The following OR2T12 variants were observed in gnomAD, a reference collection of about 807,000 sequenced individuals.
OR2T12 encodes the protein olfactory receptor 2T12.
For synonymous variants in OR2T12, 127 were observed against 160.5 expected (o/e 0.79, Z 1.58); for missense variants, 335 against 404.3 (o/e 0.83, Z 1.47).
At position 248,298,292 on chromosome 1, in the gene OR2T12, G is replaced by T. The variant is rs567247341; in HGVS notation, c.-8-2706C>A. ...GGATTTTTGCATCAATGTTCATCAA[G>T]GGTATTGGTCTAAAATTCTCTTTTT... On this transcript the variant is annotated intron_variant, in intron 2 of 2. Transcript: ENST00000641276. 1.3e-5 allele frequency among the ~76,000 whole-genome samples: 2 copies of T among 152,282 alleles called. 1 individual carries two copies. The highest frequency in any genetic ancestry group is 4.1e-4 in the South Asian group (2 of 4,824).
At position 248,294,446 on chromosome 1, in the gene OR2T12, A is replaced by C. The variant is rs1659680884; in HGVS notation, c.*170T>G. ...TACTTCACTTGAAGAAAAGTACATA[A>C]ATGCTCAAAAATGGTATCTGTCAAT... On this transcript the variant is annotated 3_prime_UTR_variant, in exon 3 of 3. Transcript: ENST00000641276. 1 of 819,038 alleles carries C rather than the reference A, an allele frequency of 1.2e-6. No individual in the cohort carries two copies. Among genetic ancestry groups the C allele is most frequent in the Admixed American group, 2.7e-5 (1 of 37,026 alleles). 50.7% of individuals were successfully genotyped at this position (819,038 alleles called of 1,614,324 possible). A position where few individuals can be genotyped will look rare whatever the true frequency, so the allele number is the denominator to read the frequency against.
intron 2 of OR2T12, among the ~76,000 whole-genome samples, chr1:248,296,698 G>T (rs1359949918): frequency 6.6e-6 from 1 of 152,042 alleles, no homozygotes; most frequent in East Asian, 1.9e-4. Context: ...TTTTTGATGG[G>T]GTTGTTTGTT....
Position 248,295,266 on chromosome 1 carries a change from G to T in OR2T12, c.313C>A (p.Leu105Met), listed in dbSNP as rs779670574. ...AAGAGGAAGCACTCTCCACCACCCAGTGTGGGGAGGAAGAAGATCTGCACA... is the reference window on the plus strand; with the variant it reads ...AAGAGGAAGCACTCTCCACCACCCATTGTGGGGAGGAAGAAGATCTGCACA... ...CGVQIFFLPT[L>M]GGGECFLLAA... The change falls in exon 3 of 3, where the codon CTG becomes ATG. Residue 105 changes from leucine (L) to methionine (M), a missense_variant. By Grantham distance (15) the Leu-to-Met change is conservative (BLOSUM62 2). Coordinates refer to ENST00000641276, the MANE Select transcript of OR2T12 (RefSeq NM_001004692.2). 1 of 1,608,434 alleles carries T rather than the reference G, an allele frequency of 6.2e-7. No individual in the cohort carries two copies. The highest frequency in any genetic ancestry group is 8.5e-7 in the Non-Finnish European group (1 of 1,177,612).
In OR2T12 at chr1:248,294,416, G is replaced by A; in HGVS notation, c.*200C>T. 1.6e-6 allele frequency: 1 copy of A among 606,854 alleles called. No individual in the cohort carries two copies. Among genetic ancestry groups the A allele is most frequent in the Non-Finnish European group, 2.8e-6 (1 of 362,738 alleles). 37.6% of individuals were successfully genotyped at this position (606,854 alleles called of 1,614,324 possible). A position where few individuals can be genotyped will look rare whatever the true frequency, so the allele number is the denominator to read the frequency against. On this transcript the variant is annotated 3_prime_UTR_variant, in exon 3 of 3. Coordinates refer to ENST00000641276, the MANE Select transcript of OR2T12 (RefSeq NM_001004692.2). The stretch of plus-strand genomic sequence containing the variant: ...GTTGTAGGATACAAAGTAATCTATA[G>A]GTATTACTTCACTTGAAGAAAAGTA...
intron 1 of OR2T12, 78 bp from the exon 2 acceptor site, chr1:248,301,631 C>G (rs530340091): frequency 6.6e-6 from 1 of 152,046 alleles, no homozygotes; most frequent in Non-Finnish European, 1.5e-5. Context: ...ATATTTTGAA[C>G]TCTGCATTAG....
chr1:248,298,755 A>G (rs1659771639), intron 2 of OR2T12, among the ~76,000 whole-genome samples: 2 of 150,598 alleles, frequency 1.3e-5, no homozygotes, highest in Non-Finnish European at 1.5e-5. Context: ...TTTCTTTATT[A>G]GTCATGCTAG....
At chr1:248,298,464 G>A (rs985664514) in intron 2 of OR2T12, among the ~76,000 whole-genome samples, 2 of 152,164 alleles carry the variant, frequency 1.3e-5, no homozygotes, top group Non-Finnish European at 2.9e-5. Flanking sequence ...GAATTTGCCT[G>A]TGAATCCTTC....
chr1:248,298,845 ATTTCC>A (rs916661704), intron 2 of OR2T12, among the ~76,000 whole-genome samples: 17 of 151,276 alleles, frequency 1.1e-4, no homozygotes, highest in Non-Finnish European at 2.5e-4. Flanking sequence ...TTGTGCCTCT[ATTTCC>A]TTCAGTTCTG....
rs1371220599 is a variant in OR2T12, at chr1:248,293,191, T to A, written c.*1425A>T. Reference sequence around the variant, plus strand: ...TGCATGCAGTGGTTAAGGTACTATCTTAACTATATTACTGCTTTGGAACCT... The same window carrying A: ...TGCATGCAGTGGTTAAGGTACTATCATAACTATATTACTGCTTTGGAACCT... On this transcript the variant is annotated 3_prime_UTR_variant, in exon 3 of 3. Transcript: ENST00000641276. The A allele has an allele frequency of 1.3e-5, 2 of 152,102 alleles. No individual in the cohort carries two copies. The highest frequency in any genetic ancestry group is 4.8e-5 in the African/African-American group (2 of 41,446). 9.4% of individuals were successfully genotyped at this position (152,102 alleles called of 1,614,324 possible).
Position 248,295,476 on chromosome 1 carries a change from T to A in OR2T12, c.103A>T (p.Thr35Ser), listed in dbSNP as rs1384865047. Residue 35 changes from threonine to serine, a missense_variant, in exon 3 of 3, where the codon ACC becomes TCC. By Grantham distance (58) the Thr-to-Ser change is moderately conservative. Coordinates refer to ENST00000641276, the MANE Select transcript of OR2T12 (RefSeq NM_001004692.2). ...LFMMLLATVL[T>S]SLFSNALMIL... ...ATGAGGGCATTGCTAAACAGGGAGG[T>A]CAAAACGGTGGCCAGAAGCATCATG... The A allele has an allele frequency of 1.2e-6, 2 of 1,612,156 alleles. No individual in the cohort carries two copies. The highest frequency in any genetic ancestry group is 2.7e-5 in the African/African-American group (2 of 73,898).
chr1:248,294,518 A>G lies in OR2T12; in HGVS notation c.*98T>C. On this transcript the variant is annotated 3_prime_UTR_variant, in exon 3 of 3. Coordinates refer to ENST00000641276, the MANE Select transcript of OR2T12 (RefSeq NM_001004692.2). ...TAAAAATATCTTATTATATCAATACACAAACTTAATTTTCTCTTCATGAAT... is the reference window on the plus strand; with the variant it reads ...TAAAAATATCTTATTATATCAATACGCAAACTTAATTTTCTCTTCATGAAT... The G allele has an allele frequency of 6.9e-7, 1 of 1,446,718 alleles. No homozygotes were observed. The highest frequency in any genetic ancestry group is 9.3e-7 in the Non-Finnish European group (1 of 1,071,220). 89.6% of individuals were successfully genotyped at this position (1,446,718 alleles called of 1,614,324 possible).
At chr1:248,296,010 C>T (rs1451880470) in intron 2 of OR2T12, among the ~76,000 whole-genome samples, 1 of 146,158 alleles carries the variant, frequency 6.8e-6, no homozygotes, top group African/African-American at 2.5e-5. Flanking sequence ...CCCCCTCCCC[C>T]AACCCCACAA....
intron 2 of OR2T12, among the ~76,000 whole-genome samples, 167 bp from the exon 3 acceptor site, chr1:248,295,753 C>T (rs924158608): frequency 6.6e-5 from 10 of 152,144 alleles, no homozygotes; most frequent in Non-Finnish European, 1.5e-4. Context: ...CTGGCATTCA[C>T]TTCTCTATAG....
chr1:248,294,687 C>G lies in OR2T12; in HGVS notation c.892G>C (p.Ala298Pro). The G allele has an allele frequency of 6.2e-7, 1 of 1,614,106 alleles. No homozygotes were observed. Among genetic ancestry groups the G allele is most frequent in the Non-Finnish European group, 8.5e-7 (1 of 1,180,030 alleles). The change falls in exon 3 of 3, where the codon GCC becomes CCC. Residue 298 changes from alanine (A) to proline (P), a missense_variant. Ala to Pro is a conservative substitution (Grantham distance 27, BLOSUM62 -1). Transcript: ENST00000641276. ...YSVRNSEVKEALKRWLGTCVN... is the reference protein window; with the variant it reads ...YSVRNSEVKEPLKRWLGTCVN... The stretch of plus-strand genomic sequence containing the variant: ...CACGTCCCCAGCCACCGTTTCAGGG[C>G]TTCCTTGACCTCACTGTTCCTCACA...
At chr1:248,297,601 A>G (rs551186154) in intron 2 of OR2T12, among the ~76,000 whole-genome samples, 1 of 152,220 alleles carries the variant, frequency 6.6e-6, no homozygotes, top group Admixed American at 6.5e-5. Flanking sequence ...TAGGTATTTT[A>G]TTCTCTTTGA....
rs1191754888 is a variant in OR2T12, at chr1:248,294,523, CTT to C, written c.*91_*92del. On this transcript the variant is annotated 3_prime_UTR_variant, in exon 3 of 3. Transcript: ENST00000641276. The stretch of plus-strand genomic sequence containing the variant: ...ATATCTTATTATATCAATACACAAA[CTT>C]AATTTTCTCTTCATGAATTACTAAA... 12 of 1,466,346 alleles carry C rather than the reference CTT, an allele frequency of 8.2e-6. No homozygotes were observed. Among genetic ancestry groups the C allele is most frequent in the Non-Finnish European group, 1.1e-5 (12 of 1,088,758 alleles). 90.8% of individuals were successfully genotyped at this position (1,466,346 alleles called of 1,614,324 possible). A position where few individuals can be genotyped will look rare whatever the true frequency, so the allele number is the denominator to read the frequency against.
In OR2T12 at chr1:248,294,578, T is replaced by A; in HGVS notation, c.*38A>T. ...GAGAGAATTACATAGTGTTAAAATGTTAATAAATTCAGGAACTTAGACTCA... is the reference window on the plus strand; with the variant it reads ...GAGAGAATTACATAGTGTTAAAATGATAATAAATTCAGGAACTTAGACTCA... On this transcript the variant is annotated 3_prime_UTR_variant, in exon 3 of 3. Transcript: ENST00000641276. The A allele has an allele frequency of 1.3e-6, 2 of 1,582,336 alleles. No homozygotes were observed. Among genetic ancestry groups the A allele is most frequent in the Non-Finnish European group, 1.7e-6 (2 of 1,166,322 alleles).
rs12133669 is a variant in OR2T12 at position 248,295,929 on chromosome 1, G to C, written c.-8-343C>G. Among the ~76,000 whole-genome samples, 4 of 151,826 alleles carry C rather than the reference G, an allele frequency of 2.6e-5. No individual in the cohort carries two copies. The South Asian group carries it at 8.3e-4, about 32-fold the overall frequency. On this transcript the variant is annotated intron_variant, in intron 2 of 2. Transcript: ENST00000641276. ...GCAGGTTAGTTACATATGTATACAT[G>C]TGACATGCTGGTGCGCTGCACCCAC...
chr1:248,298,766 C>T lies in OR2T12; in HGVS notation c.-9+2607G>A, dbSNP rs549749850. ...TTTTTTTCTTTATTAGTCATGCTAG[C>T]GGTCTATCAATTTTGTTGATCCTTT... On this transcript the variant is annotated intron_variant, in intron 2 of 2. Transcript: ENST00000641276. 1.3e-4 allele frequency among the ~76,000 whole-genome samples: 19 copies of T among 151,062 alleles called. No individual in the cohort carries two copies. In the South Asian group the frequency reaches 1.3e-3, roughly 10 times the overall value.
Sources: gnomAD v4.1 joint callset for allele counts (sites outside exome capture counted in the v4.1 genomes callset) on GRCh38, gnomAD v4.1.1 for gene constraint, MANE v1.5 for transcripts, NCBI Gene and HGNC (gene_info 2026-07-23, HGNC 2026-07-21) for gene names.